Variants in STXBP5L observed in about 807,000 individuals in gnomAD.
The protein encoded by STXBP5L is syntaxin binding protein 5L.
In STXBP5L, 65 loss-of-function variants were observed where a neutral mutation model predicts 144.5. The ratio of observed to expected loss-of-function variants is 0.45; its 90% CI spans 0.37 to 0.55. The LOEUF (loss-of-function observed/expected upper bound fraction) is 0.55. STXBP5L is among the 20% of genes least tolerant of loss of function. STXBP5L has a pLI of 0.00. For synonymous variants in STXBP5L, 505 were observed against 469.6 expected (o/e 1.08, Z -0.97); for missense variants, 1,298 against 1,405.5 (o/e 0.92, Z 1.22).
intron 5 of STXBP5L, chr3:121,049,497 A>G (rs923845008): frequency 2.6e-5 from 4 of 154,154 alleles, no homozygotes; most frequent in African/African-American, 9.6e-5. Flanking sequence ...ATCACTGAGT[A>G]CACTCCCCAG....
At chr3:121,399,533 C>T (rs2046819037) in intron 22 of STXBP5L, among the ~76,000 whole-genome samples, 1 of 152,164 alleles carries the variant, frequency 6.6e-6, no homozygotes, top group African/African-American at 2.4e-5. Flanking sequence ...CAACAGCAAG[C>T]CAGTCATTAG....
rs1012172163 is a variant in STXBP5L at position 121,381,658 on chromosome 3, T to G, written c.2587+126T>G. 18 of 1,257,414 alleles carry G rather than the reference T, an allele frequency of 1.4e-5. No homozygotes were observed. In the African/African-American group the frequency reaches 2.8e-4, roughly 20 times the overall value. 77.9% of individuals were successfully genotyped at this position (1,257,414 alleles called of 1,614,324 possible). ...AAGTATTCTGCACAATGGGAACTAT[T>G]AAGAATTTTATACATCATATACCAT... On this transcript the variant is annotated intron_variant, in intron 22 of 26. Transcript: ENST00000471454.
intron 3 of STXBP5L, among the ~76,000 whole-genome samples, chr3:120,997,905 C>G (rs1219821076): frequency 6.6e-6 from 1 of 152,126 alleles, no homozygotes; most frequent in Non-Finnish European, 1.5e-5. Context: ...CACTTTATAC[C>G]TAGAATGCAA....
intron 9 of STXBP5L, among the ~76,000 whole-genome samples, chr3:121,175,234 T>A (rs897396944): frequency 2.8e-4 from 42 of 152,102 alleles, no homozygotes; most frequent in African/African-American, 9.7e-4. Flanking sequence ...AAATAGCCCA[T>A]GCCCTAAATA....
intron 19 of STXBP5L, among the ~76,000 whole-genome samples, chr3:121,286,827 C>A (rs1439056953): frequency 3.0e-4 from 18 of 60,914 alleles, no homozygotes; most frequent in African/African-American, 1.2e-3. Flanking sequence ...GGGTATCAAA[C>A]AATGAAAAAA....
At chr3:121,046,986 C>T (rs1015212442) in intron 5 of STXBP5L, among the ~76,000 whole-genome samples, 3 of 151,836 alleles carry the variant, frequency 2.0e-5, no homozygotes, top group African/African-American at 7.3e-5. Flanking sequence ...TGATGTGGAC[C>T]TTTAGCACTA....
intron 23 of STXBP5L, among the ~76,000 whole-genome samples, chr3:121,412,628 G>C (rs1008041003): frequency 1.4e-5 from 2 of 140,064 alleles, no homozygotes; most frequent in African/African-American, 5.4e-5. Flanking sequence ...AGTTTAAGTG[G>C]TTTATTGACA....
At chr3:121,273,062 AC>A (rs2050776572) in intron 18 of STXBP5L, among the ~76,000 whole-genome samples, 1 of 152,106 alleles carries the variant, frequency 6.6e-6, no homozygotes, top group Non-Finnish European at 1.5e-5. Flanking sequence ...TTTCAGTACT[AC>A]AATATTGTGA....
chr3:121,372,581 T>C (rs768976067), intron 20 of STXBP5L, among the ~76,000 whole-genome samples: 3 of 152,116 alleles, frequency 2.0e-5, no homozygotes, highest in African/African-American at 4.8e-5. Flanking sequence ...TTTGCAGGAG[T>C]CATTGGGGTC....
chr3:121,214,155 C>T (rs944803980), intron 10 of STXBP5L, among the ~76,000 whole-genome samples: 2 of 151,930 alleles, frequency 1.3e-5, no homozygotes, highest in Admixed American at 6.6e-5. Flanking sequence ...TTCAAAAACC[C>T]GCACCTGGAT....
chr3:121,053,262 CAA>C (rs1252676689), intron 5 of STXBP5L, among the ~76,000 whole-genome samples: 2 of 151,874 alleles, frequency 1.3e-5, no homozygotes, highest in African/African-American at 4.8e-5. Flanking sequence ...CATATGGAGC[CAA>C]AAAAATCCCC....
At chr3:121,174,221 AT>A (rs2046843356) in intron 9 of STXBP5L, among the ~76,000 whole-genome samples, 1 of 152,114 alleles carries the variant, frequency 6.6e-6, no homozygotes, top group Non-Finnish European at 1.5e-5. Flanking sequence ...GCACCTGTAC[AT>A]TCTGTAAATA....
chr3:121,096,607 G>A (rs1216229507), intron 5 of STXBP5L, among the ~76,000 whole-genome samples: 1 of 152,068 alleles, frequency 6.6e-6, no homozygotes, highest in Non-Finnish European at 1.5e-5. Context: ...TCTGCTGCAG[G>A]TTGGCTGGAG....
intron 9 of STXBP5L, among the ~76,000 whole-genome samples, chr3:121,205,138 A>G (rs1033380832): frequency 4.6e-5 from 7 of 152,194 alleles, no homozygotes; most frequent in African/African-American, 1.7e-4. Flanking sequence ...TGATCCTAGT[A>G]TGGATTGTCA....
At chr3:121,070,500 T>C (rs541095607) in intron 5 of STXBP5L, among the ~76,000 whole-genome samples, 1 of 152,342 alleles carries the variant, frequency 6.6e-6, no homozygotes, top group South Asian at 2.1e-4. Context: ...CTATTACTAC[T>C]ACTATTAGGT....
intron 20 of STXBP5L, among the ~76,000 whole-genome samples, chr3:121,352,757 G>A (rs1202876010): frequency 2.6e-5 from 4 of 151,790 alleles, no homozygotes; most frequent in Non-Finnish European, 5.9e-5. Context: ...CTTGTCTTGT[G>A]CTGGTTTTCA....
intron 3 of STXBP5L, among the ~76,000 whole-genome samples, chr3:120,991,541 TGG>T (rs1942872676): frequency 6.6e-6 from 1 of 152,256 alleles, no homozygotes; most frequent in Non-Finnish European, 1.5e-5. Context: ...TGTATGTTTA[TGG>T]TGGCACTATT....
At chr3:121,037,689 A>G (rs773122633) in intron 3 of STXBP5L, among the ~76,000 whole-genome samples, 68 of 152,016 alleles carry the variant, frequency 4.5e-4, no homozygotes, top group Non-Finnish European at 8.1e-4. Context: ...GAGTCAGAAA[A>G]TCTTTCTTCC....
At chr3:121,192,852 C>G (rs1201903962) in intron 9 of STXBP5L, among the ~76,000 whole-genome samples, 1 of 152,108 alleles carries the variant, frequency 6.6e-6, no homozygotes, top group Non-Finnish European at 1.5e-5. Context: ...AATGTTAAAC[C>G]TAAAACCATA....
Sources: allele counts gnomAD v4.1 joint callset (sites outside exome capture counted in the v4.1 genomes callset), GRCh38; gene constraint gnomAD v4.1.1; transcripts MANE v1.5; gene names NCBI Gene and HGNC (gene_info 2026-07-23, HGNC 2026-07-21).